RAB18: variants seen among roughly 807,000 people sequenced by gnomAD.
RAB18 encodes the protein ras-related protein Rab-18.
In RAB18, 10 loss-of-function variants were observed where a neutral mutation model predicts 28.5. The ratio of observed to expected loss-of-function variants is 0.35; its 90% CI spans 0.22 to 0.60. The LOEUF (loss-of-function observed/expected upper bound fraction) is 0.60, where lower values mean the gene tolerates loss of function less well. RAB18 is among the 20% of genes least tolerant of loss of function. The probability of loss-of-function intolerance (pLI) is 0.78; values close to 1 mark genes in which losing one functional copy is unlikely to be tolerated. For synonymous variants in RAB18, 93 were observed against 86.9 expected (o/e 1.07, Z -0.39); for missense variants, 188 against 244.2 (o/e 0.77, Z 1.53).
At chr10:27,505,008 T>C (rs1218940758) in intron 1 of RAB18, 1 of 533,618 alleles carries the variant, frequency 1.9e-6, no homozygotes, top group Non-Finnish European at 3.8e-6. Flanking sequence ...ATCTTGTGAC[T>C]GCTGGAAAAT....
chr10:27,507,732 T>C (rs111379977), intron 1 of RAB18, among the ~76,000 whole-genome samples: 1 of 152,080 alleles, frequency 6.6e-6, no homozygotes, highest in African/African-American at 2.4e-5. Context: ...GGTGTAAATA[T>C]ACAATACTAT....
At chr10:27,522,338 A>T (rs1201567086) in intron 2 of RAB18, among the ~76,000 whole-genome samples, 3 of 152,166 alleles carry the variant, frequency 2.0e-5, no homozygotes, top group Admixed American at 6.5e-5. Flanking sequence ...TTTTTGACTT[A>T]AAGTCTATTT....
intron 3 of RAB18, among the ~76,000 whole-genome samples, chr10:27,529,015 GC>G (rs1359147521): frequency 4.0e-5 from 6 of 151,768 alleles, no homozygotes; most frequent in African/African-American, 1.5e-4. Flanking sequence ...TTATACGTTA[GC>G]ATTCATCTTT....
intron 4 of RAB18, 115 bp from the exon 5 acceptor site, chr10:27,533,620 T>TA (rs538631731): frequency 1.1e-4 from 132 of 1,248,752 alleles, no homozygotes; most frequent in Non-Finnish European, 1.2e-4. Flanking sequence ...TTGAAGACAA[T>TA]AAAAAAAAGA....
rs773743679 is a variant in RAB18, at chr10:27,540,362, A to C, written c.*2311A>C. 1 of 454,098 alleles carries C rather than the reference A, an allele frequency of 2.2e-6. No homozygotes were observed. The highest frequency in any genetic ancestry group is 1.6e-5 in the South Asian group (1 of 64,478). 28.1% of individuals were successfully genotyped at this position (454,098 alleles called of 1,614,324 possible). On this transcript the variant is annotated 3_prime_UTR_variant, in exon 7 of 7. Transcript: ENST00000356940. ...TCAGTCACTGAGCTGGATTCCAGTC[A>C]TGGCATTTTTACTTCTGAGCCCATA...
intron 2 of RAB18, among the ~76,000 whole-genome samples, chr10:27,513,789 CT>C (rs929117688): frequency 1.7e-4 from 26 of 152,276 alleles, no homozygotes; most frequent in African/African-American, 6.3e-4. Flanking sequence ...CAAGGCCCCC[CT>C]GAGGTATAAA....
At chr10:27,534,552 T>C (rs1834854965) in intron 6 of RAB18, among the ~76,000 whole-genome samples, 1 of 152,240 alleles carries the variant, frequency 6.6e-6, no homozygotes, top group Non-Finnish European at 1.5e-5. Context: ...TGGCAGAGTT[T>C]AGTAGTTACA....
At position 27,526,893 on chromosome 10, in the gene RAB18, A is replaced by G; in HGVS notation, c.186+4A>G. On this transcript the variant is annotated splice_donor_region_variant and intron_variant, in intron 3 of 6. Transcript: ENST00000356940. ...TAAGGCTAAACTTGCAATATGGGTA[A>G]GAGTTTTTAAAATGTATTTTTAAAA... 1 of 1,610,936 alleles carries G rather than the reference A, an allele frequency of 6.2e-7. No homozygotes were observed. Among genetic ancestry groups the G allele is most frequent in the Non-Finnish European group, 8.5e-7 (1 of 1,177,618 alleles).
chr10:27,537,787 A>G (rs1228244794), intron 6 of RAB18, 89 bp from the exon 7 acceptor site: 1 of 1,139,770 alleles, frequency 8.8e-7, no homozygotes, highest in African/African-American at 1.6e-5. Context: ...TTGTAGGCTG[A>G]TATTTATGCC....
rs200054069 is a variant in RAB18, at chr10:27,513,759, A to G, written c.124+3829A>G. Among the ~76,000 whole-genome samples the G allele has an allele frequency of 6.5e-4, 99 of 152,300 alleles. 1 individual carries two copies. Among genetic ancestry groups the G allele is most frequent in the Admixed American group, 4.5e-3 (69 of 15,294 alleles). ...CGTGGCTGTGGAGCTCAGAGACAAC[A>G]AGAAACACCCATGAAACTGCAAGGC... is the stretch of plus-strand genomic sequence containing the variant. On this transcript the variant is annotated intron_variant, in intron 2 of 6. Transcript: ENST00000356940.
chr10:27,507,902 C>A (rs1445322720), intron 1 of RAB18, among the ~76,000 whole-genome samples: 1 of 151,504 alleles, frequency 6.6e-6, no homozygotes, highest in Non-Finnish European at 1.5e-5. Context: ...AATTAGCCGG[C>A]CATGGTGATG....
chr10:27,540,889 C>G lies in RAB18; in HGVS notation c.*2838C>G, dbSNP rs752785208. ...GATTCTCTACTAAGGGTGGGGCTAGCACCATAGCTCATAAAAGAATCCTTC... is the reference window on the plus strand; with the variant it reads ...GATTCTCTACTAAGGGTGGGGCTAGGACCATAGCTCATAAAAGAATCCTTC... On this transcript the variant is annotated 3_prime_UTR_variant, in exon 7 of 7. Transcript: ENST00000356940. 1 of 454,056 alleles carries G rather than the reference C, an allele frequency of 2.2e-6. No homozygotes were observed. Among genetic ancestry groups the G allele is most frequent in the Non-Finnish European group, 4.4e-6 (1 of 226,782 alleles). 28.1% of individuals were successfully genotyped at this position (454,056 alleles called of 1,614,324 possible). A position where few individuals can be genotyped will look rare whatever the true frequency, so the allele number is the denominator to read the frequency against.
chr10:27,504,331 C>T lies in RAB18; in HGVS notation c.-39C>T, dbSNP rs750781163. The T allele has an allele frequency of 1.3e-6, 2 of 1,557,034 alleles. No homozygotes were observed. Among genetic ancestry groups the T allele is most frequent in the Non-Finnish European group, 1.7e-6 (2 of 1,150,882 alleles). On this transcript the variant is annotated 5_prime_UTR_variant, in exon 1 of 7. Transcript: ENST00000356940. ...TCTGCTGAAGGGCTGAGAGGCGCAC[C>T]CGGGCGGCCAGCTGGGCTCGGAGCG...
intron 2 of RAB18, among the ~76,000 whole-genome samples, chr10:27,512,065 C>T (rs1261342681): frequency 6.6e-6 from 1 of 151,874 alleles, no homozygotes; most frequent in African/African-American, 2.4e-5. Flanking sequence ...GCTGGAACTA[C>T]AGCCATGTAC....
chr10:27,528,570 C>G (rs947555316), intron 3 of RAB18, among the ~76,000 whole-genome samples: 1 of 152,080 alleles, frequency 6.6e-6, no homozygotes. Context: ...ACCTCACCCC[C>G]ACTCATAGTA....
rs576711558 is a variant in RAB18 at position 27,520,742 on chromosome 10, C to A, written c.125-6086C>A. On this transcript the variant is annotated intron_variant, in intron 2 of 6. Transcript: ENST00000356940. ...GATCTGTCTGGCCAACATGGTGAAA[C>A]CCCGTCTCTACTAAAAATACAAAAA... Among the ~76,000 whole-genome samples the A allele has an allele frequency of 3.3e-5, 5 of 151,538 alleles. No individual in the cohort carries two copies. The East Asian group carries it at 5.8e-4, about 18-fold the overall frequency.
rs1834969597 is a variant in RAB18, at chr10:27,539,219, T to C, written c.*1168T>C. 1 of 332,874 alleles carries C rather than the reference T, an allele frequency of 3.0e-6. No individual in the cohort carries two copies. The highest frequency in any genetic ancestry group is 2.5e-5 in the South Asian group (1 of 39,902). The allele number at this position is 332,874 out of a possible 1,614,324, so 20.6% of individuals were successfully genotyped here. Reference sequence around the variant, plus strand: ...GTAGATTTTTTTCATTCATGTGTTATTTAATTTACACTGATCTCTGCTATT... The same window carrying C: ...GTAGATTTTTTTCATTCATGTGTTACTTAATTTACACTGATCTCTGCTATT... On this transcript the variant is annotated 3_prime_UTR_variant, in exon 7 of 7. Coordinates refer to ENST00000356940, the MANE Select transcript of RAB18 (RefSeq NM_021252.5).
chr10:27,523,611 CTTTTT>C (rs775018935), intron 2 of RAB18, among the ~76,000 whole-genome samples: 217 of 131,306 alleles, frequency 1.7e-3, no homozygotes, highest in South Asian at 5.4e-3. Context: ...CCATTTTTAC[CTTTTT>C]TTTTTTTTTT....
In RAB18 at chr10:27,531,553, A is replaced by G. The variant is rs1001096551; in HGVS notation, c.187-954A>G. 1.3e-5 allele frequency: 19 copies of G among 1,451,780 alleles called. No homozygotes were observed. The East Asian group carries it at 4.7e-4, about 36-fold the overall frequency. 89.9% of individuals were successfully genotyped at this position (1,451,780 alleles called of 1,614,324 possible). A position where few individuals can be genotyped will look rare whatever the true frequency, so the allele number is the denominator to read the frequency against. ...GGTTACTTTGCATCAGCAGACTGCA[A>G]ACTTTTTCTTAAAGAGCCAGATAGG... On this transcript the variant is annotated intron_variant, in intron 3 of 6. Transcript: ENST00000356940.
Sources: gnomAD v4.1 joint callset for allele counts (sites outside exome capture counted in the v4.1 genomes callset) on GRCh38, gnomAD v4.1.1 for gene constraint, MANE v1.5 for transcripts, NCBI Gene and HGNC (gene_info 2026-07-23, HGNC 2026-07-21) for gene names.